PDE1A: variants seen among roughly 807,000 people sequenced by gnomAD.
PDE1A encodes the protein dual specificity calcium/calmodulin-dependent 3',5'-cyclic nucleotide phosphodiesterase 1A.
PDE1A carries 35 observed loss-of-function variants against 61.7 expected under a neutral mutation model. The ratio of observed to expected loss-of-function variants is 0.57; its 90% CI spans 0.43 to 0.75. The LOEUF is 0.75. PDE1A is among the 30% of genes least tolerant of loss of function. The pLI, the probability that PDE1A is intolerant of heterozygous loss-of-function variation, is 0.00. For missense variants in PDE1A, 597 were observed against 630.6 expected (o/e 0.95, Z 0.57); for synonymous variants, 232 against 213.2 (o/e 1.09, Z -0.77).
chr2:182,518,605 G>A (rs13008937), intron 2 of PDE1A, among the ~76,000 whole-genome samples: 50,896 of 151,998 alleles, frequency 0.33, 9,057 homozygotes, highest in Middle Eastern at 0.41. Context: ...TATAAAGTTA[G>A]CTTCTAACTG....
chr2:182,636,707 A>G, the PDE1A span, among the ~76,000 whole-genome samples: 1 of 152,220 alleles, frequency 6.6e-6, no homozygotes, highest in Admixed American at 6.5e-5. Context: ...TCACAGTTCT[A>G]TAGTTGAGGA....
At chr2:182,167,123 C>T (rs551350443), downstream of PDE1A, among the ~76,000 whole-genome samples, 26 of 152,264 alleles carry the variant, frequency 1.7e-4, no homozygotes, top group Middle Eastern at 3.4e-3. Context: ...ACAAAAGTTA[C>T]TTCCAGGTTG....
the PDE1A span, among the ~76,000 whole-genome samples, chr2:182,557,983 T>C: frequency 3.8e-4 from 58 of 152,138 alleles, no homozygotes; most frequent in Non-Finnish European, 5.1e-4. Context: ...TAAATTGTTA[T>C]AAAATCTGTT....
At chr2:182,298,452 G>A (rs1695031282) in intron 1 of PDE1A, among the ~76,000 whole-genome samples, 1 of 152,100 alleles carries the variant, frequency 6.6e-6, no homozygotes, top group Non-Finnish European at 1.5e-5. Flanking sequence ...GTGAAGTAAG[G>A]CCCTGAGAAG....
At chr2:182,274,954 G>C (rs1032660319) in intron 1 of PDE1A, among the ~76,000 whole-genome samples, 1 of 152,010 alleles carries the variant, frequency 6.6e-6, no homozygotes, top group Non-Finnish European at 1.5e-5. Flanking sequence ...GCTTAGCAAG[G>C]CTTAACAATA....
chr2:182,209,565 G>C (rs1427916929), intron 7 of PDE1A, among the ~76,000 whole-genome samples: 2 of 151,490 alleles, frequency 1.3e-5, no homozygotes, highest in Non-Finnish European at 2.9e-5. Context: ...ATCTCATATT[G>C]AATTGTAATC....
chr2:182,552,534 C>T, the PDE1A span, among the ~76,000 whole-genome samples: 1 of 144,668 alleles, frequency 6.9e-6, no homozygotes, highest in Admixed American at 7.3e-5. Context: ...AACTGAGAGA[C>T]AGGACTAGCT....
At chr2:182,149,844 A>G (rs1690686553) in intron 13 of PDE1A, among the ~76,000 whole-genome samples, 1 of 152,202 alleles carries the variant, frequency 6.6e-6, no homozygotes, top group African/African-American at 2.4e-5. Context: ...TTTGAATCAT[A>G]GATCCCTCTT....
chr2:182,584,019 T>C, the PDE1A span, among the ~76,000 whole-genome samples: 1 of 152,230 alleles, frequency 6.6e-6, no homozygotes, highest in Non-Finnish European at 1.5e-5. Flanking sequence ...ATCAGAGATA[T>C]TACGTGATCT....
At chr2:182,225,975 T>C (rs1365176373) in intron 6 of PDE1A, among the ~76,000 whole-genome samples, 13 of 149,746 alleles carry the variant, frequency 8.7e-5, no homozygotes. Flanking sequence ...GAGGTCTGAA[T>C]TGGGATTGAG....
intron 2 of PDE1A, among the ~76,000 whole-genome samples, chr2:182,449,086 A>ACGC (rs765515746): frequency 6.7e-6 from 1 of 148,618 alleles, no homozygotes; most frequent in African/African-American, 2.5e-5. Context: ...ACACACACAC[A>ACGC]AACAAAACCC....
chr2:182,330,818 G>C (rs1456604642), intron 1 of PDE1A, among the ~76,000 whole-genome samples: 1 of 152,086 alleles, frequency 6.6e-6, no homozygotes, highest in African/African-American at 2.4e-5. Flanking sequence ...TCTTGGTTCT[G>C]CTCCAGTTTC....
chr2:182,601,064 G>C, the PDE1A span, among the ~76,000 whole-genome samples: 1 of 152,202 alleles, frequency 6.6e-6, no homozygotes, highest in Admixed American at 6.5e-5. Context: ...CTGGCTGGTG[G>C]TGTGTTTGCC....
chr2:182,537,827 G>T, the PDE1A span, among the ~76,000 whole-genome samples: 7 of 152,160 alleles, frequency 4.6e-5, no homozygotes, highest in South Asian at 1.5e-3. Flanking sequence ...TGGGTGAGTG[G>T]ATGGGAGAAG....
At chr2:182,433,495 T>C (rs1251618226) in intron 2 of PDE1A, among the ~76,000 whole-genome samples, 1 of 152,076 alleles carries the variant, frequency 6.6e-6, no homozygotes, top group African/African-American at 2.4e-5. Flanking sequence ...TGATCATGTA[T>C]ATCAGGTAGA....
At chr2:182,508,697 T>C (rs893414069) in intron 2 of PDE1A, among the ~76,000 whole-genome samples, 1 of 151,416 alleles carries the variant, frequency 6.6e-6, no homozygotes, top group African/African-American at 2.4e-5. Context: ...AGTGAGATAT[T>C]TTCCGGGGTA....
At chr2:182,490,508 T>A (rs1276822648) in intron 2 of PDE1A, among the ~76,000 whole-genome samples, 1 of 152,120 alleles carries the variant, frequency 6.6e-6, no homozygotes, top group African/African-American at 2.4e-5. Context: ...TAGCTGAGAT[T>A]GCAAGCGCCC....
At chr2:182,626,790 T>C in the PDE1A span, among the ~76,000 whole-genome samples, 18 of 4,780 alleles carry the variant, frequency 3.8e-3, 3 homozygotes, top group Admixed American at 0.012. Flanking sequence ...TACATATATA[T>C]ACATATATAT....
rs201234645 is a variant in PDE1A, at chr2:182,184,448, T to TA, written c.1516+1443dup. On this transcript the variant is annotated intron_variant, in intron 13 of 13. Coordinates refer to ENST00000351439, the Ensembl canonical transcript of PDE1A. ...GAATTACACATTAAAAGTGCTAAAA[T>TA]AAAAAAAAATCATTCAACAATTCTA... Among the ~76,000 whole-genome samples the TA allele has an allele frequency of 5.8e-3, 872 of 151,270 alleles. 8 individuals carry two copies. Among genetic ancestry groups the TA allele is most frequent in the South Asian group, 0.041 (198 of 4,788 alleles).
Sources: gnomAD v4.1 joint callset for allele counts (sites outside exome capture counted in the v4.1 genomes callset) on GRCh38, gnomAD v4.1.1 for gene constraint, MANE v1.5 for transcripts, NCBI Gene and HGNC (gene_info 2026-07-23, HGNC 2026-07-21) for gene names.